CASKIN2: variants seen among roughly 807,000 people sequenced by gnomAD.
The protein encoded by CASKIN2 is CASK interacting protein 2.
In CASKIN2, 41 loss-of-function variants were observed where a neutral mutation model predicts 107.1. The ratio of observed to expected loss-of-function variants is 0.38; its 90% CI spans 0.30 to 0.50. The LOEUF is 0.50. Ranked by LOEUF, CASKIN2 falls within the 20% of genes least tolerant of loss-of-function variation. The pLI is 0.92. For synonymous variants in CASKIN2, 724 were observed against 705.6 expected, an observed-to-expected ratio of 1.03 and a Z score of -0.41; for missense variants, 1,546 against 1,657.4, an observed-to-expected ratio of 0.93 and a Z score of 1.17.
rs768057160 is a variant in CASKIN2 at position 75,504,487 on chromosome 17, G to A, written c.1315-7C>T. On this transcript the variant is annotated splice_polypyrimidine_tract_variant and splice_region_variant and intron_variant, in intron 12 of 19. Transcript: ENST00000321617. ...CTCCAGCAGAGGGCAGTGGCTGGAG[G>A]AGACAGGGCAGGAGCCAACTCAGCA... is the stretch of plus-strand genomic sequence containing the variant. The A allele has an allele frequency of 3.7e-6, 6 of 1,603,680 alleles. No individual in the cohort carries two copies. Among genetic ancestry groups the A allele is most frequent in the African/African-American group, 1.3e-5 (1 of 74,758 alleles).
rs2053319785 is a variant in CASKIN2 at position 75,512,012 on chromosome 17, C to A, written c.94+1699G>T. Reference sequence around the variant, plus strand: ...GCCCTCCCCTGGGACCTCCTTAGCACCTCCCCAGTGGCACCCACCCTGTGT... The same window carrying A: ...GCCCTCCCCTGGGACCTCCTTAGCAACTCCCCAGTGGCACCCACCCTGTGT... On this transcript the variant is annotated intron_variant, in intron 2 of 19. Coordinates refer to ENST00000321617, the MANE Select transcript of CASKIN2 (RefSeq NM_020753.5). Among the ~76,000 whole-genome samples the A allele has an allele frequency of 2.6e-5, 4 of 152,300 alleles. No individual in the cohort carries two copies. In the South Asian group the frequency reaches 8.3e-4, roughly 32 times the overall value.
chr17:75,507,122 G>A lies in CASKIN2; in HGVS notation c.252C>T (p.Arg84=), dbSNP rs2053274194. Residue 84 remains arginine, a synonymous_variant, in exon 5 of 20, where the codon CGC becomes CGT. Coordinates refer to ENST00000321617, the MANE Select transcript of CASKIN2 (RefSeq NM_020753.5). ...TVDIKDSNGM[R]PLHYAAWQGR... ...CCTGCCAGGCTGCGTAGTGCAGCGG[G>A]CGCATGCCTGGCAGGAGGAAAGGGT... is the stretch of plus-strand genomic sequence containing the variant. 1.2e-6 allele frequency: 2 copies of A among 1,607,408 alleles called. No homozygotes were observed. The highest frequency in any genetic ancestry group is 2.7e-5 in the African/African-American group (2 of 74,860).
Position 75,503,233 on chromosome 17 carries a change from A to G in CASKIN2, c.1841T>C (p.Leu614Pro). 1 of 1,593,752 alleles carries G rather than the reference A, an allele frequency of 6.3e-7. No individual in the cohort carries two copies. Among genetic ancestry groups the G allele is most frequent in the Non-Finnish European group, 8.5e-7 (1 of 1,171,320 alleles). ...NKLGHQKKLM[L>P]GVKRLAELRR... is the part of the protein sequence containing the mutation. ...AAGCTCCGCCAGCCGCTTCACCCCC[A>G]GCATGAGCTTCTTCTGATGCCCTGA... Residue 614 changes from leucine (L) to proline (P), a missense_variant, in exon 18 of 20, where the codon CTG becomes CCG. Around this residue, in one of 6 missense-constraint regions of CASKIN2, gnomAD observed 1,311 missense variants for 1,311.0 expected, o/e 1.00. Transcript: ENST00000321617.
intron 3 of CASKIN2, 68 bp from the exon 4 acceptor site, chr17:75,507,749 A>G (rs774322702): frequency 1.7e-4 from 209 of 1,243,484 alleles, no homozygotes; most frequent in Non-Finnish European, 2.3e-4. Flanking sequence ...CTGGTCTTCC[A>G]TACCCGAACC....
rs746089358 is a variant in CASKIN2, at chr17:75,503,539, C to T, written c.1681-12G>A. 1.2e-6 allele frequency: 2 copies of T among 1,606,420 alleles called. No individual in the cohort carries two copies. Among genetic ancestry groups the T allele is most frequent in the Non-Finnish European group, 1.7e-6 (2 of 1,178,178 alleles). On this transcript the variant is annotated splice_polypyrimidine_tract_variant and intron_variant, in intron 16 of 19. Transcript: ENST00000321617. ...TCCAGCAGGTCCGTCTGGAAGAGCA[C>T]CGTCCTCAGAACAACTCCCAGCCAG...
chr17:75,506,137 C>T lies in CASKIN2; in HGVS notation c.726+168G>A, dbSNP rs2053262637. 1.3e-5 allele frequency among the ~76,000 whole-genome samples: 2 copies of T among 152,168 alleles called. No individual in the cohort carries two copies. The highest frequency in any genetic ancestry group is 2.1e-4 in the South Asian group (1 of 4,828). On this transcript the variant is annotated intron_variant, in intron 8 of 19. Transcript: ENST00000321617. The surrounding 1 kb of genome is among the most constrained non-coding windows in gnomAD (Gnocchi z 4.8). ...GGTGCCAATCAGGTTGGTCTGCCCC[C>T]GATCCATCTGCACCGCCTCGGCACC... is the stretch of plus-strand genomic sequence containing the variant.
At chr17:75,510,217 G>A (rs187049497) in intron 2 of CASKIN2, among the ~76,000 whole-genome samples, 36 of 152,306 alleles carry the variant, frequency 2.4e-4, no homozygotes, top group African/African-American at 7.2e-4. Context: ...GGTGCGGCGA[G>A]GGGCGGGGAG....
intron 2 of CASKIN2, 36 bp downstream of exon 2, chr17:75,513,675 G>T: frequency 7.0e-7 from 1 of 1,435,180 alleles, no homozygotes; most frequent in East Asian, 2.3e-5. Context: ...CTGAGCGCTC[G>T]GCCTCAGCGG....
chr17:75,504,493 G>A lies in CASKIN2; in HGVS notation c.1315-13C>T. Reference sequence around the variant, plus strand: ...CAGAGGGCAGTGGCTGGAGGAGACAGGGCAGGAGCCAACTCAGCATTTGGG... The same window carrying A: ...CAGAGGGCAGTGGCTGGAGGAGACAAGGCAGGAGCCAACTCAGCATTTGGG... On this transcript the variant is annotated splice_polypyrimidine_tract_variant and intron_variant, in intron 12 of 19. Transcript: ENST00000321617. 1 of 1,601,756 alleles carries A rather than the reference G, an allele frequency of 6.2e-7. No individual in the cohort carries two copies. Among genetic ancestry groups the A allele is most frequent in the South Asian group, 1.1e-5 (1 of 90,720 alleles).
At chr17:75,512,899 C>A (rs374798426) in intron 2 of CASKIN2, among the ~76,000 whole-genome samples, 20 of 145,438 alleles carry the variant, frequency 1.4e-4, no homozygotes, top group East Asian at 2.0e-4. Flanking sequence ...GACTCCGTCT[C>A]AAAAAAAAAA....
In CASKIN2 at chr17:75,501,969, G is replaced by A; in HGVS notation, c.3105C>T (p.Ser1035=). ...GGCTGCTGGGCTCGGGCTGGGGAAG[G>A]CTAGAAGCTGGAGGAGACTCGCCAG... The part of the protein sequence containing the change: ...PTPGESPPAS[S]LPQPEPSSLP... The change falls in exon 18 of 20, where the codon AGC becomes AGT. Residue 1035 remains serine, a synonymous_variant. Transcript: ENST00000321617. 9 of 1,610,632 alleles carry A rather than the reference G, an allele frequency of 5.6e-6. No individual in the cohort carries two copies. Among genetic ancestry groups the A allele is most frequent in the Non-Finnish European group, 6.8e-6 (8 of 1,178,236 alleles).
Position 75,506,735 on chromosome 17 carries a change from T to G in CASKIN2, c.487-22A>C. On this transcript the variant is annotated intron_variant, in intron 6 of 19. Transcript: ENST00000321617. The surrounding 1 kb of genome is among the most constrained non-coding windows in gnomAD (Gnocchi z 4.8). ...CCACCTGCAGCACCCAGTGCCCAGT[T>G]AGAGCCTCCTCCTGAGACCCTGTAG... is the stretch of plus-strand genomic sequence containing the variant. 1.2e-6 allele frequency: 2 copies of G among 1,613,624 alleles called. No individual in the cohort carries two copies. The highest frequency in any genetic ancestry group is 2.2e-5 in the South Asian group (2 of 91,072).
In CASKIN2 at chr17:75,513,775, G is replaced by A. The variant is rs767911512; in HGVS notation, c.30C>T (p.Ala10=). MGREQDLIL[A]VKNGDVTGVQ... is the part of the protein sequence containing the mutation. ...CACCGGTCACATCTCCATTCTTGACGGCGAGGATCAGGTCCTGTTCACGAC... is the reference window on the plus strand; with the variant it reads ...CACCGGTCACATCTCCATTCTTGACAGCGAGGATCAGGTCCTGTTCACGAC... Residue 10 remains alanine, a synonymous_variant, in exon 2 of 20, where the codon GCC becomes GCT. Coordinates refer to ENST00000321617, the MANE Select transcript of CASKIN2 (RefSeq NM_020753.5). 1.7e-5 allele frequency: 27 copies of A among 1,613,660 alleles called. No homozygotes were observed. Among genetic ancestry groups the A allele is most frequent in the Middle Eastern group, 3.3e-4 (2 of 6,084 alleles).
At chr17:75,510,083 G>A (rs1490735346) in intron 2 of CASKIN2, among the ~76,000 whole-genome samples, 1 of 152,234 alleles carries the variant, frequency 6.6e-6, no homozygotes, top group Non-Finnish European at 1.5e-5. Flanking sequence ...TCCCGGGCCT[G>A]GCGCTGGGGG....
In CASKIN2 at chr17:75,501,638, G is replaced by A. The variant is rs1360873995; in HGVS notation, c.3348C>T (p.Gly1116=). The A allele has an allele frequency of 9.4e-6, 15 of 1,593,954 alleles. No homozygotes were observed. Among genetic ancestry groups the A allele is most frequent in the Non-Finnish European group, 1.3e-5 (15 of 1,169,820 alleles). ...SVACTQLAFS[G]PKLAPRLGPR... ...GGCCGAGCCGGGGCGCTAGCTTAGG[G>A]CCAGAAAATGCCAGCTGGGTGCAGG... The change falls in exon 19 of 20, where the codon GGC becomes GGT. Residue 1116 remains glycine (G), a synonymous_variant. Transcript: ENST00000321617.
At position 75,503,645 on chromosome 17, in the gene CASKIN2, C is replaced by A; in HGVS notation, c.1680+14G>T. 6.2e-7 allele frequency: 1 copy of A among 1,610,732 alleles called. No individual in the cohort carries two copies. Among genetic ancestry groups the A allele is most frequent in the South Asian group, 1.1e-5 (1 of 91,078 alleles). On this transcript the variant is annotated intron_variant, in intron 16 of 19. Transcript: ENST00000321617. ...AGCACGTGCCCCACTCCCCAGCCAC[C>A]CTTGATGGCTCACTGGGATGTAGCT... is the stretch of plus-strand genomic sequence containing the variant.
rs1298957356 is a variant in CASKIN2, at chr17:75,501,386, A to G, written c.3518+82T>C. ...AGTGCCTGCAATGTCCCCCTCCAAC[A>G]TCCCCATGATCCCTGGGCAGAGGAT... On this transcript the variant is annotated intron_variant, in intron 19 of 19. Transcript: ENST00000321617. The G allele has an allele frequency of 8.2e-6, 12 of 1,456,034 alleles. No individual in the cohort carries two copies. The Admixed American group carries it at 2.2e-4, about 27-fold the overall frequency. 90.2% of individuals were successfully genotyped at this position (1,456,034 alleles called of 1,614,324 possible). A position where few individuals can be genotyped will look rare whatever the true frequency, so the allele number is the denominator to read the frequency against.
At chr17:75,513,336 T>C (rs1308215548) in intron 2 of CASKIN2, among the ~76,000 whole-genome samples, 2 of 152,036 alleles carry the variant, frequency 1.3e-5, no homozygotes, top group Non-Finnish European at 2.9e-5. Context: ...TCCCAGCTAC[T>C]AGGGAGGCTG....
chr17:75,509,064 T>C (rs891060254), intron 2 of CASKIN2, among the ~76,000 whole-genome samples: 1 of 152,234 alleles, frequency 6.6e-6, no homozygotes, highest in African/African-American at 2.4e-5. Flanking sequence ...TCACTGCTAC[T>C]GCTGACTCCA....
Sources: gnomAD v4.1 joint callset for allele counts (sites outside exome capture counted in the v4.1 genomes callset) on GRCh38, gnomAD v4.1.1 for gene constraint, gnomAD v4.1.1 regional missense constraint, Gnocchi (gnomAD v3.1) non-coding constraint, MANE v1.5 for transcripts, NCBI Gene and HGNC (gene_info 2026-07-23, HGNC 2026-07-21) for gene names.